The following DOCK9 variants were observed in gnomAD, a reference collection of about 807,000 sequenced individuals.
The protein encoded by DOCK9 is dedicator of cytokinesis 9.
DOCK9 carries 89 observed loss-of-function variants against 263.3 expected under a neutral mutation model. The ratio of observed to expected loss-of-function variants is 0.34; its 90% CI spans 0.28 to 0.40. The LOEUF is 0.40. Ranked by LOEUF, DOCK9 falls within the 10% of genes least tolerant of loss-of-function variation. The pLI is 1.00. For synonymous variants in DOCK9, 976 were observed against 973.1 expected (o/e 1.00, Z -0.06); for missense variants, 2,140 against 2,603.4 (o/e 0.82, Z 3.87).
At chr13:99,067,870 C>CTTTT (rs66506438) in intron 1 of DOCK9, among the ~76,000 whole-genome samples, 2 of 142,406 alleles carry the variant, frequency 1.4e-5, no homozygotes. Context: ...AGGACAGAAG[C>CTTTT]TTTTTTTTTT....
upstream of DOCK9, among the ~76,000 whole-genome samples, chr13:98,980,453 C>T (rs540534060): frequency 4.6e-5 from 7 of 152,352 alleles, no homozygotes; most frequent in African/African-American, 1.7e-4. Context: ...TGTACACACG[C>T]TTAACCATGA....
At chr13:99,015,640 A>G (rs373343645) in intron 1 of DOCK9, 4 of 1,567,292 alleles carry the variant, frequency 2.6e-6, no homozygotes, top group African/African-American at 1.4e-5. Context: ...TTTTTTAGCA[A>G]TCTCTACTCC....
intron 34 of DOCK9, 28 bp from the exon 35 acceptor site, chr13:98,853,550 T>C (rs1178021102): frequency 7.3e-6 from 11 of 1,508,642 alleles, no homozygotes; most frequent in Non-Finnish European, 1.0e-5. Context: ...GTGATTTTTC[T>C]ATTTAATTAC....
chr13:99,081,538 T>C (rs1461747681), intron 1 of DOCK9, among the ~76,000 whole-genome samples: 2 of 152,254 alleles, frequency 1.3e-5, no homozygotes, highest in Non-Finnish European at 2.9e-5. Context: ...AGAAGACTTG[T>C]ATATTAATAC....
At chr13:98,973,902 T>C (rs1241782305) in intron 1 of DOCK9, among the ~76,000 whole-genome samples, 1 of 152,158 alleles carries the variant, frequency 6.6e-6, no homozygotes, top group Non-Finnish European at 1.5e-5. Context: ...GCTGATCCTT[T>C]TCAAAAAATA....
At chr13:98,995,943 C>T (rs1329200765) in intron 1 of DOCK9, among the ~76,000 whole-genome samples, 1 of 152,078 alleles carries the variant, frequency 6.6e-6, no homozygotes, top group East Asian at 1.9e-4. Flanking sequence ...CCATTCAGTG[C>T]AGTGGTCCAG....
chr13:99,015,488 AATT>A, intron 1 of DOCK9: 1 of 1,597,562 alleles, frequency 6.3e-7, no homozygotes, highest in Non-Finnish European at 8.5e-7. Flanking sequence ...TCTTTTGTCC[AATT>A]GTATGCTGTA....
chr13:98,796,156 C>T, intron 52 of DOCK9: 1 of 1,445,536 alleles, frequency 6.9e-7, no homozygotes, highest in South Asian at 1.2e-5. Context: ...AAAGTAATAG[C>T]TTTTTCTAAG....
chr13:98,920,080 C>A (rs1448373654), intron 7 of DOCK9, among the ~76,000 whole-genome samples: 1 of 152,166 alleles, frequency 6.6e-6, no homozygotes, highest in East Asian at 1.9e-4. Context: ...AAATTGACAA[C>A]TCTCTTCCAA....
At chr13:99,056,811 T>C (rs1221431828) in intron 1 of DOCK9, among the ~76,000 whole-genome samples, 2 of 152,146 alleles carry the variant, frequency 1.3e-5, no homozygotes, top group African/African-American at 4.8e-5. Flanking sequence ...GGACAGGCCT[T>C]CCCTGGAGGC....
At chr13:98,928,669 C>T (rs1342133914) in intron 3 of DOCK9, among the ~76,000 whole-genome samples, 4 of 152,174 alleles carry the variant, frequency 2.6e-5, no homozygotes, top group South Asian at 4.1e-4. Context: ...ATTATCTCTA[C>T]TTAACTTTGA....
At chr13:98,869,852 C>A (rs1224208621) in intron 27 of DOCK9, among the ~76,000 whole-genome samples, 1 of 152,266 alleles carries the variant, frequency 6.6e-6, no homozygotes, top group East Asian at 1.9e-4. Flanking sequence ...CTTGTTCCTT[C>A]CTGTGCCACT....
upstream of DOCK9, chr13:99,088,518 G>A (rs1244205406): frequency 6.6e-6 from 1 of 152,186 alleles, no homozygotes; most frequent in African/African-American, 2.4e-5. Context: ...AAAAGTACCA[G>A]ACAACACAAA....
intron 46 of DOCK9, 43 bp downstream of exon 46, chr13:98,810,125 GT>G: frequency 6.2e-7 from 1 of 1,612,092 alleles, no homozygotes; most frequent in Admixed American, 1.7e-5. Context: ...ATGTCACAGC[GT>G]CATGCTCTCA....
At chr13:98,987,487 G>A (rs555647983) in intron 1 of DOCK9, among the ~76,000 whole-genome samples, 70 of 152,288 alleles carry the variant, frequency 4.6e-4, no homozygotes, top group African/African-American at 1.3e-3. Context: ...CCCTTCTGTC[G>A]TTTCAAAAAC....
intron 3 of DOCK9, among the ~76,000 whole-genome samples, chr13:98,928,602 C>T (rs1175369229): frequency 6.6e-6 from 1 of 152,158 alleles, no homozygotes; most frequent in Admixed American, 6.5e-5. Flanking sequence ...AAACATAGGT[C>T]AACAAACTTT....
chr13:98,823,165 A>C (rs1294984036), intron 45 of DOCK9, among the ~76,000 whole-genome samples: 1 of 151,672 alleles, frequency 6.6e-6, no homozygotes. Flanking sequence ...AGTATTTTCC[A>C]TTTTTACAAC....
intron 5 of DOCK9, among the ~76,000 whole-genome samples, chr13:98,922,855 T>G (rs760786523): frequency 5.3e-5 from 8 of 152,230 alleles, no homozygotes; most frequent in African/African-American, 9.6e-5. Flanking sequence ...CTTTATATAG[T>G]TCTTTAGCCA....
chr13:99,037,729 AAACT>A (rs71114573), intron 1 of DOCK9, among the ~76,000 whole-genome samples: 22,826 of 152,192 alleles, frequency 0.15, 2,406 homozygotes, highest in East Asian at 0.42. Flanking sequence ...TTCCATCAAC[AAACT>A]AACTGACTGA....
Sources: allele counts gnomAD v4.1 joint callset (sites outside exome capture counted in the v4.1 genomes callset), GRCh38; gene constraint gnomAD v4.1.1; transcripts MANE v1.5; gene names NCBI Gene and HGNC (gene_info 2026-07-23, HGNC 2026-07-21).